Variants in SH3PXD2B observed in about 807,000 individuals in gnomAD.
SH3PXD2B encodes the protein SH3 and PX domain-containing protein 2B.
Under a neutral mutation model 73.1 loss-of-function variants are expected in SH3PXD2B, and 37 were observed. The ratio of observed to expected loss-of-function variants is 0.51; its 90% CI spans 0.39 to 0.67. The LOEUF is 0.67. SH3PXD2B is among the 30% of genes least tolerant of loss of function. The pLI is 0.00. For synonymous variants in SH3PXD2B, 457 were observed against 480.5 expected, an observed-to-expected ratio of 0.95 and a Z score of 0.64; for missense variants, 1,053 against 1,197.8, an observed-to-expected ratio of 0.88 and a Z score of 1.78.
At chr5:172,440,521 G>A (rs553439434) in intron 1 of SH3PXD2B, among the ~76,000 whole-genome samples, 1 of 85,002 alleles carries the variant, frequency 1.2e-5, no homozygotes, top group East Asian at 3.1e-4. Context: ...ATTGACACAT[G>A]TCATCCTCTC....
At chr5:172,390,815 T>TTG (rs56116617) in intron 4 of SH3PXD2B, among the ~76,000 whole-genome samples, 9,485 of 139,756 alleles carry the variant, frequency 0.068, 452 homozygotes, top group East Asian at 0.18. Flanking sequence ...TTCCCGTCTT[T>TTG]TGTGTGTGTG....
intron 2 of SH3PXD2B, 135 bp downstream of exon 2, chr5:172,422,281 C>T: frequency 1.2e-6 from 1 of 817,888 alleles, no homozygotes. Flanking sequence ...AGGTGTGAGC[C>T]ACCACGCCCA....
At chr5:172,352,817 G>A (rs1757186266) in intron 9 of SH3PXD2B, among the ~76,000 whole-genome samples, 2 of 152,166 alleles carry the variant, frequency 1.3e-5, no homozygotes, top group South Asian at 2.1e-4. Flanking sequence ...ATGTGGAACT[G>A]TAAATCCAGT....
At chr5:172,331,497 A>G (rs1756555817), downstream of SH3PXD2B, among the ~76,000 whole-genome samples, 1 of 152,242 alleles carries the variant, frequency 6.6e-6, no homozygotes, top group African/African-American at 2.4e-5. Flanking sequence ...CATGTGGCCC[A>G]AATAATACTG....
At position 172,399,521 on chromosome 5, in the gene SH3PXD2B, G is replaced by A. The variant is rs1758382301; in HGVS notation, c.233-4882C>T. On this transcript the variant is annotated intron_variant, in intron 3 of 12. Transcript: ENST00000311601. ...GCAGGGAAAAGACGTCCGCGTCAGA[G>A]ACTGCCCTCAGACGTGGTGAGATCT... 2.0e-5 allele frequency among the ~76,000 whole-genome samples: 3 copies of A among 152,280 alleles called. No individual in the cohort carries two copies. The South Asian group carries it at 6.2e-4, about 32-fold the overall frequency.
At chr5:172,369,282 G>A (rs564235504) in intron 6 of SH3PXD2B, among the ~76,000 whole-genome samples, 2 of 151,818 alleles carry the variant, frequency 1.3e-5, no homozygotes, top group South Asian at 4.2e-4. Context: ...TAAAGAAGGA[G>A]AAGAGGAATG....
rs1483374364 is a variant in SH3PXD2B, at chr5:172,337,700, C to T, written c.*669G>A. ...GGCTGGAACCACCCTTCAGGGCTGA[C>T]CACGGTCCCAAGATAGAAGGTGGGA... On this transcript the variant is annotated 3_prime_UTR_variant, in exon 13 of 13. Transcript: ENST00000311601. The T allele has an allele frequency of 2.0e-6, 2 of 991,030 alleles. No individual in the cohort carries two copies. Among genetic ancestry groups the T allele is most frequent in the Non-Finnish European group, 2.4e-6 (2 of 833,434 alleles). The allele number at this position is 991,030 out of a possible 1,614,324, so 61.4% of individuals were successfully genotyped here.
intron 7 of SH3PXD2B, among the ~76,000 whole-genome samples, chr5:172,359,261 C>CT (rs1358030465): frequency 6.6e-6 from 1 of 151,726 alleles, no homozygotes; most frequent in African/African-American, 2.4e-5. Context: ...GTGGTGCATG[C>CT]TTGTAGTCCC....
downstream of SH3PXD2B, among the ~76,000 whole-genome samples, chr5:172,328,935 C>A (rs73805014): frequency 1.3e-5 from 2 of 151,430 alleles, no homozygotes; most frequent in African/African-American, 2.4e-5. Flanking sequence ...GAGTTTCCCA[C>A]GTAACAATAT....
At chr5:172,412,777 A>G (rs1758730428) in intron 2 of SH3PXD2B, among the ~76,000 whole-genome samples, 1 of 152,178 alleles carries the variant, frequency 6.6e-6, no homozygotes, top group Admixed American at 6.5e-5. Context: ...AGCCTAACCC[A>G]TGTCATCCTT....
chr5:172,354,096 AG>A (rs1353729780), intron 8 of SH3PXD2B, 91 bp from the exon 9 acceptor site: 1 of 1,277,830 alleles, frequency 7.8e-7, no homozygotes, highest in African/African-American at 1.5e-5. Flanking sequence ...CGTCGGAGGG[AG>A]GATTTCCTTC....
intron 1 of SH3PXD2B, among the ~76,000 whole-genome samples, chr5:172,437,101 A>T (rs1211326756): frequency 6.6e-6 from 1 of 152,164 alleles, no homozygotes; most frequent in Non-Finnish European, 1.5e-5. Flanking sequence ...TCTTGGTCAC[A>T]CAGGCCCAAG....
chr5:172,407,829 A>C (rs751015820), intron 2 of SH3PXD2B, among the ~76,000 whole-genome samples: 2 of 152,246 alleles, frequency 1.3e-5, no homozygotes, highest in Admixed American at 6.5e-5. Context: ...CTTTAGAAAC[A>C]TTCCCTCATT....
intron 3 of SH3PXD2B, among the ~76,000 whole-genome samples, chr5:172,402,369 C>CCCGGT (rs1758437249): frequency 6.6e-6 from 1 of 152,146 alleles, no homozygotes; most frequent in African/African-American, 2.4e-5. Context: ...TAAATTTTGC[C>CCCGGT]CCGGTCCTGT....
intron 8 of SH3PXD2B, among the ~76,000 whole-genome samples, chr5:172,355,910 C>T (rs1015062035): frequency 6.6e-6 from 1 of 152,152 alleles, no homozygotes; most frequent in Non-Finnish European, 1.5e-5. Flanking sequence ...ATTGCACACA[C>T]AGCAGAGGGT....
chr5:172,373,799 T>G lies in SH3PXD2B; in HGVS notation c.418A>C (p.Lys140Gln), dbSNP rs144922233. 8.1e-6 allele frequency: 13 copies of G among 1,613,876 alleles called. No individual in the cohort carries two copies. The African/African-American group carries it at 1.7e-4, about 22-fold the overall frequency. The change falls in exon 6 of 13, where the codon AAG (lysine) becomes CAG (glutamine). Residue 140 changes from lysine (K) to glutamine (Q), a missense_variant. Lys to Gln is a moderately conservative substitution (Grantham distance 53). Transcript: ENST00000311601. ...TAGAAAATATTCTTACCAGATTTCTTTTTCCCAATGTGCTCCCTGTACAGG... is the reference window on the plus strand; with the variant it reads ...TAGAAAATATTCTTACCAGATTTCTGTTTCCCAATGTGCTCCCTGTACAGG... ...NPPKEEHIGK[K>Q]KSGGDQTSVD...
At position 172,337,757 on chromosome 5, in the gene SH3PXD2B, C is replaced by T; in HGVS notation, c.*612G>A. 4.0e-6 allele frequency: 4 copies of T among 996,270 alleles called. No homozygotes were observed. Among genetic ancestry groups the T allele is most frequent in the East Asian group, 1.1e-4 (1 of 9,216 alleles). The allele number at this position is 996,270 out of a possible 1,614,324, so 61.7% of individuals were successfully genotyped here. On this transcript the variant is annotated 3_prime_UTR_variant, in exon 13 of 13. Transcript: ENST00000311601. ...GCGGCTGAGCGGATCTCCAGGCCCA[C>T]TCCTGGGGGAGCCGCATCCAGTGGA...
chr5:172,369,193 T>C (rs1005133202), intron 6 of SH3PXD2B, among the ~76,000 whole-genome samples: 2 of 150,742 alleles, frequency 1.3e-5, no homozygotes, highest in African/African-American at 4.9e-5. Flanking sequence ...CCACGCCTGG[T>C]TGAATGTTTT....
intron 2 of SH3PXD2B, among the ~76,000 whole-genome samples, chr5:172,407,084 TCC>T (rs1039859291): frequency 6.6e-6 from 1 of 152,198 alleles, no homozygotes; most frequent in African/African-American, 2.4e-5. Context: ...TGCTTCTTAC[TCC>T]CCATGGGGTC....
Sources: gnomAD v4.1 joint callset for allele counts (sites outside exome capture counted in the v4.1 genomes callset) on GRCh38, gnomAD v4.1.1 for gene constraint, MANE v1.5 for transcripts, NCBI Gene and HGNC (gene_info 2026-07-23, HGNC 2026-07-21) for gene names.